CCDC170: variants seen among roughly 807,000 people sequenced by gnomAD.
CCDC170 encodes coiled-coil domain-containing protein 170.
Under a neutral mutation model 72.6 loss-of-function variants are expected in CCDC170, and 69 were observed. The observed-to-expected ratio is 0.95, with a 90% CI of 0.78 to 1.16. CCDC170 has a LOEUF of 1.16. Ranked by LOEUF, CCDC170 falls within the 50% of genes most tolerant of loss-of-function variation. The pLI, the probability that CCDC170 is intolerant of heterozygous loss-of-function variation, is 0.00. For missense variants in CCDC170, 852 were observed against 832.5 expected, an observed-to-expected ratio of 1.02 and a Z score of -0.29; for synonymous variants, 300 against 303.9, an observed-to-expected ratio of 0.99 and a Z score of 0.13.
At chr6:151,604,028 A>G (rs150194927) in intron 9 of CCDC170, among the ~76,000 whole-genome samples, 9 of 152,290 alleles carry the variant, frequency 5.9e-5, no homozygotes, top group Non-Finnish European at 1.3e-4. Context: ...CAACCTTAGT[A>G]AGGAGCTATG....
intron 10 of CCDC170, chr6:151,616,002 A>G (rs1776961454): frequency 4.7e-6 from 1 of 213,686 alleles, no homozygotes; most frequent in South Asian, 9.3e-5. Flanking sequence ...GCTAAGAAAA[A>G]TTATTCACAT....
Position 151,586,040 on chromosome 6 carries a change from T to C in CCDC170, c.1244T>C (p.Leu415Pro). The change falls in exon 7 of 11, where the codon CTG (leucine) becomes CCG (proline). Residue 415 changes from leucine to proline, a missense_variant. Coordinates refer to ENST00000239374, the MANE Select transcript of CCDC170 (RefSeq NM_025059.4). ...CAGCTGACACACCTGGAGGCAGAGC[T>C]GGTTTCTGGAGGTGTTTTGCGAGAC... is the stretch of plus-strand genomic sequence containing the variant. ...QGQLTHLEAE[L>P]VSGGVLRDNL... The C allele has an allele frequency of 6.2e-7, 1 of 1,614,192 alleles. No individual in the cohort carries two copies. The highest frequency in any genetic ancestry group is 8.5e-7 in the Non-Finnish European group (1 of 1,180,006).
intron 5 of CCDC170, among the ~76,000 whole-genome samples, chr6:151,550,453 A>G (rs1782860303): frequency 6.6e-6 from 1 of 152,204 alleles, no homozygotes; most frequent in African/African-American, 2.4e-5. Context: ...TGAGGTGAGA[A>G]GGGAAGTTGG....
In CCDC170 at chr6:151,618,431, G is replaced by A. The variant is rs184282401; in HGVS notation, c.*284G>A. The A allele has an allele frequency of 5.1e-6, 2 of 389,670 alleles. No homozygotes were observed. The highest frequency in any genetic ancestry group is 9.3e-6 in the Non-Finnish European group (2 of 214,874). The allele number at this position is 389,670 out of a possible 1,614,324, so 24.1% of individuals were successfully genotyped here. A position where few individuals can be genotyped will look rare whatever the true frequency, so the allele number is the denominator to read the frequency against. On this transcript the variant is annotated 3_prime_UTR_variant, in exon 11 of 11. Transcript: ENST00000239374. ...AAATGGGAGTGGGAGATAATATTGG[G>A]AGGTATCTATTTTAAGTCAGGGGCT...
chr6:151,516,752 C>T lies in CCDC170; in HGVS notation c.58-19566C>T, dbSNP rs531686930. 1.2e-4 allele frequency among the ~76,000 whole-genome samples: 19 copies of T among 152,298 alleles called. No homozygotes were observed. In the East Asian group the frequency reaches 2.5e-3, roughly 20 times the overall value. ...GCTTGAGGAGACAGTGTCTGATTTA[C>T]GTAGGGCCCAGAGATTGGTTCAACC... On this transcript the variant is annotated intron_variant, in intron 1 of 10. Coordinates refer to ENST00000239374, the MANE Select transcript of CCDC170 (RefSeq NM_025059.4).
intron 1 of CCDC170, among the ~76,000 whole-genome samples, chr6:151,523,040 T>C (rs1782347136): frequency 6.6e-6 from 1 of 152,138 alleles, no homozygotes. Context: ...CCAGTTACAG[T>C]AGAATTGTTA....
At chr6:151,575,525 CTTT>C (rs869185539) in intron 6 of CCDC170, among the ~76,000 whole-genome samples, 3 of 79,662 alleles carry the variant, frequency 3.8e-5, no homozygotes, top group African/African-American at 1.6e-4. Context: ...TCTTTTCTTT[CTTT>C]TTTTTTTTTT....
At chr6:151,503,216 A>T (rs1314932466) in intron 1 of CCDC170, among the ~76,000 whole-genome samples, 3 of 151,946 alleles carry the variant, frequency 2.0e-5, no homozygotes, top group Non-Finnish European at 4.4e-5. Context: ...ATAGATTTTT[A>T]AAAAGTAAAC....
chr6:151,547,451 GC>G (rs1270243528), intron 4 of CCDC170, among the ~76,000 whole-genome samples: 1 of 152,130 alleles, frequency 6.6e-6, no homozygotes, highest in Non-Finnish European at 1.5e-5. Flanking sequence ...TCTGAAGAGC[GC>G]CCCCGTGAGG....
chr6:151,504,616 A>G (rs1782040631), intron 1 of CCDC170, among the ~76,000 whole-genome samples: 1 of 152,156 alleles, frequency 6.6e-6, no homozygotes, highest in Non-Finnish European at 1.5e-5. Context: ...AGTGTGCTGT[A>G]GCAGACCAGG....
At chr6:151,593,717 G>A (rs1437999140) in intron 8 of CCDC170, among the ~76,000 whole-genome samples, 1 of 152,102 alleles carries the variant, frequency 6.6e-6, no homozygotes, top group Admixed American at 6.5e-5. Context: ...ATATATCTGT[G>A]TTTGAGATAG....
intron 3 of CCDC170, among the ~76,000 whole-genome samples, chr6:151,541,093 T>C (rs4463269): frequency 0.76 from 115,348 of 152,020 alleles, 44,126 homozygotes; most frequent in African/African-American, 0.84. Flanking sequence ...CAGACCTGAT[T>C]GTACCTCAGG....
intron 5 of CCDC170, among the ~76,000 whole-genome samples, chr6:151,553,049 A>C (rs1782910527): frequency 1.3e-5 from 2 of 152,058 alleles, no homozygotes; most frequent in Non-Finnish European, 1.5e-5. Context: ...GGCCTCCCAA[A>C]GTGCTGGGAT....
At chr6:151,579,676 C>A (rs6913493) in intron 6 of CCDC170, among the ~76,000 whole-genome samples, 1 of 152,056 alleles carries the variant, frequency 6.6e-6, no homozygotes. Context: ...AGAAAGACTT[C>A]TAGTTGAGAG....
At chr6:151,583,771 C>T (rs1776412211) in intron 6 of CCDC170, among the ~76,000 whole-genome samples, 2 of 152,150 alleles carry the variant, frequency 1.3e-5, no homozygotes, top group Admixed American at 1.3e-4. Flanking sequence ...CTCTTCCTTT[C>T]ATTTGAAAAC....
chr6:151,520,368 C>A (rs1034867108), intron 1 of CCDC170, among the ~76,000 whole-genome samples: 1 of 152,226 alleles, frequency 6.6e-6, no homozygotes, highest in African/African-American at 2.4e-5. Context: ...ATGAAACCGC[C>A]TTTGCGAAAT....
At chr6:151,566,153 G>A (rs1776133699) in intron 5 of CCDC170, among the ~76,000 whole-genome samples, 2 of 152,166 alleles carry the variant, frequency 1.3e-5, no homozygotes, top group Admixed American at 1.3e-4. Context: ...GATGTCATTG[G>A]GAAAGCTCAG....
chr6:151,507,152 G>A (rs1046301948), intron 1 of CCDC170, among the ~76,000 whole-genome samples: 1 of 152,092 alleles, frequency 6.6e-6, no homozygotes, highest in Non-Finnish European at 1.5e-5. Context: ...GTATAGCTAG[G>A]CCCACAGGTA....
intron 1 of CCDC170, among the ~76,000 whole-genome samples, chr6:151,507,821 T>C (rs890472639): frequency 6.6e-6 from 1 of 151,548 alleles, no homozygotes; most frequent in Admixed American, 6.6e-5. Flanking sequence ...CTCGGGAGGC[T>C]GAGGCAGGAG....
Sources: allele counts gnomAD v4.1 joint callset (sites outside exome capture counted in the v4.1 genomes callset), GRCh38; gene constraint gnomAD v4.1.1; transcripts MANE v1.5; gene names NCBI Gene and HGNC (gene_info 2026-07-23, HGNC 2026-07-21).